SLC26A5: variants seen among roughly 807,000 people sequenced by gnomAD.
SLC26A5 encodes solute carrier family 26 member 5.
A neutral mutation model predicts 81.0 loss-of-function variants in SLC26A5; 51 were observed. That is an observed-to-expected ratio of 0.63 (90% confidence interval 0.50 to 0.80). The LOEUF (loss-of-function observed/expected upper bound fraction) is 0.80, where lower values mean the gene tolerates loss of function less well. Ranked by LOEUF, SLC26A5 falls within the 30% of genes least tolerant of loss-of-function variation. The pLI is 0.00. For missense variants in SLC26A5, 771 were observed against 905.8 expected (o/e 0.85, Z 1.91); for synonymous variants, 325 against 332.8 (o/e 0.98, Z 0.25).
intron 14 of SLC26A5, among the ~76,000 whole-genome samples, chr7:103,387,687 A>T (rs1240230318): frequency 2.6e-5 from 4 of 151,982 alleles, no homozygotes; most frequent in Non-Finnish European, 5.9e-5. Context: ...ATTTTATTTT[A>T]AAAAATTTTT....
At chr7:103,393,910 C>T (rs1193527876) in intron 9 of SLC26A5, among the ~76,000 whole-genome samples, 1 of 152,134 alleles carries the variant, frequency 6.6e-6, no homozygotes, top group African/African-American at 2.4e-5. Context: ...ATAATTATTA[C>T]AATAACAAGC....
In SLC26A5 at chr7:103,367,059, T is replaced by C. The variant is rs1400587506; in HGVS notation, c.2041+9749A>G. Among the ~76,000 whole-genome samples the C allele has an allele frequency of 6.6e-6, 1 of 152,204 alleles. No homozygotes were observed. On this transcript the variant is annotated intron_variant, in intron 19 of 19. Coordinates refer to the SLC26A5 transcript ENST00000339444. The surrounding 1 kb of genome is among the most constrained non-coding windows in gnomAD (Gnocchi z 6.1). ...AGGACAAGTTATTTTAACTAATCTC[T>C]GAGCCTCAGTTTGCTCATCTTATAA... is the stretch of plus-strand genomic sequence containing the variant.
chr7:103,395,473 ACATATATATATACG>A (rs1318580032), intron 9 of SLC26A5, among the ~76,000 whole-genome samples: 243 of 144,020 alleles, frequency 1.7e-3, no homozygotes, highest in African/African-American at 6.0e-3. Context: ...ATATATATAT[ACATATATATATACG>A]CATATATATG....
intron 19 of SLC26A5, among the ~76,000 whole-genome samples, chr7:103,375,199 C>A (rs1319016778): frequency 6.7e-6 from 1 of 148,984 alleles, no homozygotes; most frequent in African/African-American, 2.5e-5. Flanking sequence ...AATTCTGAAC[C>A]CTTTTTGCTT....
chr7:103,433,035 C>A (rs929808701), intron 2 of SLC26A5, among the ~76,000 whole-genome samples: 1 of 152,154 alleles, frequency 6.6e-6, no homozygotes, highest in Non-Finnish European at 1.5e-5. Flanking sequence ...TCAAGGCCTA[C>A]AAGACTTCCT....
At position 103,355,003 on chromosome 7, in the gene SLC26A5, A is replaced by T. The variant is rs181931494; in HGVS notation, c.2042-2077T>A. ...CCTTTAAATGTAATGTGTGAATAATATCAAGAGTTTAAATACAGATTTTAC... is the reference window on the plus strand; with the variant it reads ...CCTTTAAATGTAATGTGTGAATAATTTCAAGAGTTTAAATACAGATTTTAC... On this transcript the variant is annotated intron_variant, in intron 19 of 19. Coordinates refer to the SLC26A5 transcript ENST00000339444. 119 of 1,166,166 alleles carry T rather than the reference A, an allele frequency of 1.0e-4. No homozygotes were observed. In the African/African-American group the frequency reaches 1.6e-3, roughly 16 times the overall value. The allele number at this position is 1,166,166 out of a possible 1,614,324, so 72.2% of individuals were successfully genotyped here. A position where few individuals can be genotyped will look rare whatever the true frequency, so the allele number is the denominator to read the frequency against.
chr7:103,376,017 A>G (rs1156932452), intron 19 of SLC26A5, among the ~76,000 whole-genome samples: 1 of 151,722 alleles, frequency 6.6e-6, no homozygotes, highest in African/African-American at 2.4e-5. Flanking sequence ...TCAGCCTCCC[A>G]AAGTGCTGGG....
intron 19 of SLC26A5, among the ~76,000 whole-genome samples, chr7:103,354,312 G>A (rs1418203305): frequency 6.6e-6 from 1 of 150,894 alleles, no homozygotes. Context: ...AATTAGTTCT[G>A]AAATGAAGTT....
At chr7:103,361,790 G>A (rs977443437) in intron 19 of SLC26A5, among the ~76,000 whole-genome samples, 6 of 152,130 alleles carry the variant, frequency 3.9e-5, no homozygotes, top group Non-Finnish European at 8.8e-5. Context: ...GGCTAAAGTC[G>A]AATGGACCTT....
At chr7:103,377,836 A>C in intron 17 of SLC26A5, 37 bp from the exon 18 acceptor site, 1 of 1,583,944 alleles carries the variant, frequency 6.3e-7, no homozygotes, top group Non-Finnish European at 8.7e-7. Context: ...AATTTTATGA[A>C]CAACTCACAT....
intron 2 of SLC26A5, among the ~76,000 whole-genome samples, chr7:103,427,090 T>G (rs1825755837): frequency 6.6e-6 from 1 of 151,966 alleles, no homozygotes; most frequent in African/African-American, 2.4e-5. Flanking sequence ...TTTTTTTTTT[T>G]TGAGACACAT....
At position 103,391,699 on chromosome 7, in the gene SLC26A5, A is replaced by C; in HGVS notation, c.1156T>G (p.Ser386Ala). 1 of 1,614,144 alleles carries C rather than the reference A, an allele frequency of 6.2e-7. No individual in the cohort carries two copies. The highest frequency in any genetic ancestry group is 8.5e-7 in the Non-Finnish European group (1 of 1,180,030). ...GAAATTGAAAAGGTCTGGAAGAGTGAGCCAATGGAATTGCACAGTCCCAGG... is the reference window on the plus strand; with the variant it reads ...GAAATTGAAAAGGTCTGGAAGAGTGCGCCAATGGAATTGCACAGTCCCAGG... ...IALGLCNSIG[S>A]LFQTFSISCS... The change falls in exon 11 of 20, where the codon TCA (serine) becomes GCA (alanine). Residue 386 changes from serine (S) to alanine (A), a missense_variant. Physicochemically the swap from Ser to Ala is moderately conservative, Grantham distance 99 (BLOSUM62 1). Transcript: ENST00000306312.
At chr7:103,412,953 T>C (rs772929127) in intron 5 of SLC26A5, 49 bp downstream of exon 5, 6 of 1,338,594 alleles carry the variant, frequency 4.5e-6, no homozygotes, top group South Asian at 3.5e-5. Context: ...CATTGCAAGG[T>C]TGGAAATACA....
rs981297843 is a variant in SLC26A5, at chr7:103,405,745, C to G, written c.888+2106G>C. ...GGTGCTCTCTTCAGAGCTGGCAGACCGGAATGTTTAAGTTTGCTGAAGCTG... is the reference window on the plus strand; with the variant it reads ...GGTGCTCTCTTCAGAGCTGGCAGACGGGAATGTTTAAGTTTGCTGAAGCTG... On this transcript the variant is annotated intron_variant, in intron 8 of 19. Transcript: ENST00000306312. Among the ~76,000 whole-genome samples the G allele has an allele frequency of 1.2e-3, 188 of 152,248 alleles. 1 individual carries two copies. Among genetic ancestry groups the G allele is most frequent in the Non-Finnish European group, 1.0e-4 (7 of 68,014 alleles).
chr7:103,362,219 A>G, intron 19 of SLC26A5: 2 of 1,473,992 alleles, frequency 1.4e-6, no homozygotes, highest in Non-Finnish European at 1.8e-6. Context: ...GTAATGTACT[A>G]TAGTTGAAAA....
rs149716091 is a variant in SLC26A5, at chr7:103,419,730, G to T, written c.292+1008C>A. Among the ~76,000 whole-genome samples the T allele has an allele frequency of 2.5e-3, 387 of 151,926 alleles. 3 individuals are homozygous for T. The highest frequency in any genetic ancestry group is 8.8e-3 in the African/African-American group (363 of 41,430). Reference sequence around the variant, plus strand: ...TTTTTATATTTTTTGTAGATATGGGGTTTCACCATGTTGGCCAGGCTGATC... The same window carrying T: ...TTTTTATATTTTTTGTAGATATGGGTTTTCACCATGTTGGCCAGGCTGATC... On this transcript the variant is annotated intron_variant, in intron 4 of 19. Transcript: ENST00000306312.
rs11772718 is a variant in SLC26A5, at chr7:103,415,265, G to A, written c.293-2153C>T. Among the ~76,000 whole-genome samples the A allele has an allele frequency of 5.4e-3, 829 of 152,300 alleles. 2 individuals are homozygous for A. Among genetic ancestry groups the A allele is most frequent in the Non-Finnish European group, 9.4e-3 (640 of 68,032 alleles). ...GAAATGTATGCATACGATTTAAAAA[G>A]CCAAGCAGCAAAGGCTCTCTGGAAG... is the stretch of plus-strand genomic sequence containing the variant. On this transcript the variant is annotated intron_variant, in intron 4 of 19. Coordinates refer to ENST00000306312, the MANE Select transcript of SLC26A5 (RefSeq NM_198999.3).
chr7:103,362,799 T>A, intron 19 of SLC26A5: 1 of 1,325,750 alleles, frequency 7.5e-7, no homozygotes, highest in Non-Finnish European at 1.0e-6. Context: ...TATGTCTTTT[T>A]TTTTTTTTTT....
intron 2 of SLC26A5, among the ~76,000 whole-genome samples, chr7:103,441,298 G>A (rs1299689815): frequency 6.6e-6 from 1 of 152,154 alleles, no homozygotes; most frequent in Non-Finnish European, 1.5e-5. Context: ...ATGAAAGGTA[G>A]TAGGAGATTA....
Sources: gnomAD v4.1 joint callset for allele counts (sites outside exome capture counted in the v4.1 genomes callset) on GRCh38, gnomAD v4.1.1 for gene constraint, Gnocchi (gnomAD v3.1) non-coding constraint, MANE v1.5 for transcripts, NCBI Gene and HGNC (gene_info 2026-07-23, HGNC 2026-07-21) for gene names.